Variants in MLLT1 observed in about 807,000 individuals in gnomAD.
The protein encoded by MLLT1 is protein ENL.
A neutral mutation model predicts 55.1 loss-of-function variants in MLLT1; 11 were observed. The ratio of observed to expected loss-of-function variants is 0.20; its 90% CI spans 0.13 to 0.33. MLLT1 has a LOEUF of 0.33. Ranked by LOEUF, MLLT1 falls within the 10% of genes least tolerant of loss-of-function variation. The pLI, the probability that MLLT1 is intolerant of heterozygous loss-of-function variation, is 1.00. For missense variants in MLLT1, 536 were observed against 760.6 expected, an observed-to-expected ratio of 0.70 and a Z score of 3.47; for synonymous variants, 323 against 320.1, an observed-to-expected ratio of 1.01 and a Z score of -0.10.
At chr19:6,263,721 G>A (rs1389412914) in intron 2 of MLLT1, among the ~76,000 whole-genome samples, 2 of 152,190 alleles carry the variant, frequency 1.3e-5, no homozygotes, top group Admixed American at 1.3e-4. Context: ...AAGGCAGGAG[G>A]GAGGAGATTC....
Position 6,262,597 on chromosome 19 carries a change from T to G in MLLT1, c.194-287A>C, listed in dbSNP as rs548297743. 6.6e-6 allele frequency among the ~76,000 whole-genome samples: 1 copy of G among 152,316 alleles called. No individual in the cohort carries two copies. Among genetic ancestry groups the G allele is most frequent in the African/African-American group, 2.4e-5 (1 of 41,580 alleles). On this transcript the variant is annotated intron_variant, in intron 2 of 11. Coordinates refer to ENST00000252674, the MANE Select transcript of MLLT1 (RefSeq NM_005934.4). This position sits in a 1 kb window ranked among gnomAD's most constrained non-coding sequence, Gnocchi z 4.4. ...AGCCTGTCATCGGGATACTTGCTCC[T>G]GCAGAGGATGAGGAGGCTGAGGCCA...
chr19:6,212,470 C>T lies in MLLT1; in HGVS notation c.*572G>A, dbSNP rs1258535251. On this transcript the variant is annotated 3_prime_UTR_variant, in exon 12 of 12. Coordinates refer to ENST00000252674, the MANE Select transcript of MLLT1 (RefSeq NM_005934.4). ...AACGCACATGGACACTGCTCTTGAC[C>T]AGACAGTGCACACACATATATAATA... 8.4e-6 allele frequency: 9 copies of T among 1,066,322 alleles called. No homozygotes were observed. In the East Asian group the frequency reaches 2.0e-4, roughly 23 times the overall value. 66.1% of individuals were successfully genotyped at this position (1,066,322 alleles called of 1,614,324 possible). A position where few individuals can be genotyped will look rare whatever the true frequency, so the allele number is the denominator to read the frequency against.
rs372503088 is a variant in MLLT1, at chr19:6,213,722, C to G, written c.1479+4G>C. ...TCCCCGCCTTGTCGTAGGTGCCCCC[C>G]CACCTTGTCGTAGGTGCCCTTCTTG... On this transcript the variant is annotated splice_donor_region_variant and intron_variant, in intron 10 of 11. Coordinates refer to ENST00000252674, the MANE Select transcript of MLLT1 (RefSeq NM_005934.4). 3.7e-6 allele frequency: 6 copies of G among 1,612,558 alleles called. No homozygotes were observed. Among genetic ancestry groups the G allele is most frequent in the Non-Finnish European group, 5.1e-6 (6 of 1,179,074 alleles).
At chr19:6,233,049 C>T (rs1189628632) in intron 3 of MLLT1, among the ~76,000 whole-genome samples, 3 of 152,208 alleles carry the variant, frequency 2.0e-5, no homozygotes, top group African/African-American at 7.2e-5. Context: ...ATTCTCAGCC[C>T]TTTCCCCAGC....
intron 3 of MLLT1, among the ~76,000 whole-genome samples, chr19:6,244,063 AAAG>A (rs1304470635): frequency 1.3e-5 from 2 of 151,280 alleles, no homozygotes; most frequent in Admixed American, 6.6e-5. Context: ...AAAAAAAAAA[AAAG>A]AAGTCAATCT....
At chr19:6,239,797 T>C (rs2091098681) in intron 3 of MLLT1, among the ~76,000 whole-genome samples, 1 of 151,982 alleles carries the variant, frequency 6.6e-6, no homozygotes, top group Non-Finnish European at 1.5e-5. Context: ...CCTGTACACA[T>C]ACACACTCAC....
Position 6,212,823 on chromosome 19 carries a change from C to G in MLLT1, c.*219G>C. 1 of 890,708 alleles carries G rather than the reference C, an allele frequency of 1.1e-6. No homozygotes were observed. Among genetic ancestry groups the G allele is most frequent in the East Asian group, 3.3e-5 (1 of 30,340 alleles). 55.2% of individuals were successfully genotyped at this position (890,708 alleles called of 1,614,324 possible). A position where few individuals can be genotyped will look rare whatever the true frequency, so the allele number is the denominator to read the frequency against. On this transcript the variant is annotated 3_prime_UTR_variant, in exon 12 of 12. Transcript: ENST00000252674. ...AGGGGAGCCCAGAGAGCCCGGGGGG[C>G]GGCTCCCGTGTGGCCCAGCCCGGCC...
chr19:6,217,907 G>A, intron 7 of MLLT1, 47 bp downstream of exon 7: 2 of 1,557,018 alleles, frequency 1.3e-6, no homozygotes, highest in Non-Finnish European at 1.7e-6. Flanking sequence ...TGAGCTCCAG[G>A]CCCTCCCCGG....
intron 8 of MLLT1, among the ~76,000 whole-genome samples, chr19:6,215,065 T>G (rs2090825978): frequency 6.6e-6 from 1 of 151,726 alleles, no homozygotes; most frequent in Non-Finnish European, 1.5e-5. Flanking sequence ...ATCCCACAGG[T>G]GACTGGGATG....
chr19:6,263,389 C>A (rs1333170620), intron 2 of MLLT1: 3 of 152,418 alleles, frequency 2.0e-5, no homozygotes, highest in African/African-American at 7.2e-5. Context: ...CTGAATCCCA[C>A]CCAGCCACAA....
intron 2 of MLLT1, among the ~76,000 whole-genome samples, chr19:6,264,295 T>C (rs1025780632): frequency 1.4e-5 from 2 of 143,764 alleles, no homozygotes; most frequent in Admixed American, 7.2e-5. Flanking sequence ...GAAATTGAGA[T>C]GGTTCTGTGT....
Position 6,227,033 on chromosome 19 carries a change from T to C in MLLT1, c.490A>G (p.Ile164Val), listed in dbSNP as rs1289500111. ...GGGTCAGAGAAGGCAGAGAGTGGAA[T>C]TGTGGGTAACATGGGGTAGTCGGGA... Reference protein sequence around the residue: ...PSPDYPMLPTIPLSAFSDPKK... With the variant: ...PSPDYPMLPTVPLSAFSDPKK... The change falls in exon 5 of 12, where the codon ATT becomes GTT. Residue 164 changes from isoleucine (I) to valine (V), a missense_variant. Transcript: ENST00000252674. This position sits in a 1 kb window ranked among gnomAD's most constrained non-coding sequence, Gnocchi z 5.1. 1.9e-6 allele frequency: 3 copies of C among 1,607,170 alleles called. No homozygotes were observed. Among genetic ancestry groups the C allele is most frequent in the Admixed American group, 3.4e-5 (2 of 58,950 alleles).
In MLLT1 at chr19:6,219,344, A is replaced by G. The variant is rs962910781; in HGVS notation, c.1111-1303T>C. On this transcript the variant is annotated intron_variant, in intron 6 of 11. Coordinates refer to ENST00000252674, the MANE Select transcript of MLLT1 (RefSeq NM_005934.4). The surrounding 1 kb of genome is among the most constrained non-coding windows in gnomAD (Gnocchi z 4.5). ...ACTGGGAAAGCCTGCCGTGGTGCCC[A>G]TCAGTCACTGCCCACTCAGGCTACC... Among the ~76,000 whole-genome samples the G allele has an allele frequency of 3.3e-5, 5 of 152,018 alleles. No individual in the cohort carries two copies. The highest frequency in any genetic ancestry group is 1.2e-4 in the African/African-American group (5 of 41,392).
intron 1 of MLLT1, among the ~76,000 whole-genome samples, chr19:6,277,358 G>A (rs1457862193): frequency 6.6e-6 from 1 of 152,206 alleles, no homozygotes; most frequent in Non-Finnish European, 1.5e-5. Context: ...CACCATCGAC[G>A]GAACTTTCTG....
intron 2 of MLLT1, among the ~76,000 whole-genome samples, chr19:6,266,838 G>A (rs911666730): frequency 3.3e-5 from 5 of 152,150 alleles, no homozygotes; most frequent in Non-Finnish European, 7.3e-5. Context: ...AACACAGGCC[G>A]ATAAACAAAC....
At chr19:6,234,779 T>C (rs534735183) in intron 3 of MLLT1, among the ~76,000 whole-genome samples, 2 of 151,088 alleles carry the variant, frequency 1.3e-5, no homozygotes, top group African/African-American at 4.9e-5. Flanking sequence ...ACCAAATACA[T>C]AGCAAAGCAA....
At chr19:6,249,582 C>T (rs1042921647) in intron 3 of MLLT1, among the ~76,000 whole-genome samples, 1 of 152,326 alleles carries the variant, frequency 6.6e-6, no homozygotes, top group African/African-American at 2.4e-5. Flanking sequence ...GCAGAAGCCT[C>T]GAGGCCGCAT....
rs1054042041 is a variant in MLLT1 at position 6,212,401 on chromosome 19, C to A, written c.*641G>T. Reference sequence around the variant, plus strand: ...GAGACATCTTAACCTACAAGCCCCACCGTACGCACCCCCCACCCACCCCAC... The same window carrying A: ...GAGACATCTTAACCTACAAGCCCCAACGTACGCACCCCCCACCCACCCCAC... On this transcript the variant is annotated 3_prime_UTR_variant, in exon 12 of 12. Coordinates refer to ENST00000252674, the MANE Select transcript of MLLT1 (RefSeq NM_005934.4). 4 of 1,066,132 alleles carry A rather than the reference C, an allele frequency of 3.8e-6. No homozygotes were observed. In the African/African-American group the frequency reaches 6.5e-5, roughly 17 times the overall value. The allele number at this position is 1,066,132 out of a possible 1,614,324, so 66.0% of individuals were successfully genotyped here.
rs1244324677 is a variant in MLLT1, at chr19:6,227,712, C to T, written c.421-610G>A. The stretch of plus-strand genomic sequence containing the variant: ...AGCAGGCCCGAGTGAGCCAGCGAGC[C>T]TGCAGCATGGGGCACCTGCTCCTGC... On this transcript the variant is annotated intron_variant, in intron 4 of 11. Coordinates refer to ENST00000252674, the MANE Select transcript of MLLT1 (RefSeq NM_005934.4). The surrounding 1 kb of genome is among the most constrained non-coding windows in gnomAD (Gnocchi z 5.1). 6.6e-6 allele frequency among the ~76,000 whole-genome samples: 1 copy of T among 152,208 alleles called. No homozygotes were observed. Among genetic ancestry groups the T allele is most frequent in the Non-Finnish European group, 1.5e-5 (1 of 68,032 alleles).
Sources: gnomAD v4.1 joint callset for allele counts (sites outside exome capture counted in the v4.1 genomes callset) on GRCh38, gnomAD v4.1.1 for gene constraint, Gnocchi (gnomAD v3.1) non-coding constraint, MANE v1.5 for transcripts, NCBI Gene and HGNC (gene_info 2026-07-23, HGNC 2026-07-21) for gene names.